The following SKIC3 variants were observed in gnomAD, a reference collection of about 807,000 sequenced individuals.
The protein encoded by SKIC3 is SKI3 subunit of superkiller complex.
the SKIC3 span, chr5:95,547,196 C>G: frequency 2.6e-6 from 4 of 1,558,786 alleles, no homozygotes; most frequent in Non-Finnish European, 3.5e-6. Flanking sequence ...AATACCTACC[C>G]AATCGTAAAT....
At chr5:95,551,071 T>C in the SKIC3 span, among the ~76,000 whole-genome samples, 1 of 152,112 alleles carries the variant, frequency 6.6e-6, no homozygotes, top group Non-Finnish European at 1.5e-5. Context: ...CCTAATTATA[T>C]TAGAATAGAA....
At chr5:95,494,724 T>C in the SKIC3 span, 19 of 1,613,764 alleles carry the variant, frequency 1.2e-5, 1 homozygote, top group South Asian at 1.9e-4. Flanking sequence ...TTTAGTGCAG[T>C]ATTTTTTTCA....
the SKIC3 span, among the ~76,000 whole-genome samples, chr5:95,532,474 A>G: frequency 6.6e-6 from 1 of 152,138 alleles, no homozygotes; most frequent in Non-Finnish European, 1.5e-5. Context: ...CAACAGTAAT[A>G]ACAACACTAA....
chr5:95,484,707 C>T, the SKIC3 span: 1 of 1,613,956 alleles, frequency 6.2e-7, no homozygotes, highest in Non-Finnish European at 8.5e-7. Context: ...AGTTTCAATG[C>T]ACATTCCATA....
the SKIC3 span, among the ~76,000 whole-genome samples, chr5:95,545,818 T>C: frequency 6.6e-6 from 1 of 152,138 alleles, no homozygotes; most frequent in Non-Finnish European, 1.5e-5. Flanking sequence ...TATCCTTCTT[T>C]TCCACCTCAG....
At chr5:95,506,204 T>C in the SKIC3 span, among the ~76,000 whole-genome samples, 69 of 152,292 alleles carry the variant, frequency 4.5e-4, 2 homozygotes, top group Non-Finnish European at 5.9e-5. Context: ...ATCTTCCAAT[T>C]TTGGATATAA....
the SKIC3 span, among the ~76,000 whole-genome samples, chr5:95,534,145 G>A: frequency 9.2e-5 from 14 of 151,692 alleles, no homozygotes; most frequent in Non-Finnish European, 1.5e-5. Flanking sequence ...ACTTATCTTT[G>A]GAACACACTG....
At chr5:95,507,054 CA>C in the SKIC3 span, 14 of 1,547,430 alleles carry the variant, frequency 9.0e-6, no homozygotes, top group Non-Finnish European at 1.2e-5. Flanking sequence ...TGTGCAATAG[CA>C]TTCTGTTACC....
chr5:95,495,677 A>C, the SKIC3 span, among the ~76,000 whole-genome samples: 1 of 152,200 alleles, frequency 6.6e-6, no homozygotes, highest in Non-Finnish European at 1.5e-5. Context: ...AAAAATAACT[A>C]AAAATATGAA....
the SKIC3 span, among the ~76,000 whole-genome samples, chr5:95,535,604 C>G: frequency 3.3e-5 from 5 of 151,718 alleles, no homozygotes; most frequent in African/African-American, 9.7e-5. Flanking sequence ...GCCACCGCGC[C>G]CGGCCAGTAA....
chr5:95,464,465 C>T, the SKIC3 span: 1 of 637,250 alleles, frequency 1.6e-6, no homozygotes, highest in Non-Finnish European at 2.6e-6. Context: ...GCATTCCTAA[C>T]TTAAAAACTT....
the SKIC3 span, among the ~76,000 whole-genome samples, chr5:95,476,089 C>T: frequency 6.6e-6 from 1 of 152,234 alleles, no homozygotes; most frequent in African/African-American, 2.4e-5. Context: ...TATGCCAAAA[C>T]TTTTCTGGAC....
At chr5:95,506,815 A>C in the SKIC3 span, 1 of 1,032,478 alleles carries the variant, frequency 9.7e-7, no homozygotes, top group Admixed American at 2.0e-5. Context: ...TTTCTATGGA[A>C]ATTATGTATC....
the SKIC3 span, among the ~76,000 whole-genome samples, chr5:95,506,095 T>G: frequency 6.6e-6 from 1 of 152,214 alleles, no homozygotes; most frequent in African/African-American, 2.4e-5. Flanking sequence ...TTCAACAAAA[T>G]CTTGGAACTG....
the SKIC3 span, among the ~76,000 whole-genome samples, chr5:95,470,644 C>A: frequency 2.6e-5 from 4 of 151,842 alleles, no homozygotes; most frequent in Admixed American, 6.6e-5. Context: ...TTAATAAACT[C>A]CCAATATAAA....
chr5:95,469,562 T>C, the SKIC3 span, among the ~76,000 whole-genome samples: 1 of 152,200 alleles, frequency 6.6e-6, no homozygotes, highest in African/African-American at 2.4e-5. Context: ...TAAATATGTA[T>C]CAAATTGCCT....
At chr5:95,482,925 T>C in the SKIC3 span, among the ~76,000 whole-genome samples, 1 of 152,284 alleles carries the variant, frequency 6.6e-6, no homozygotes, top group East Asian at 1.9e-4. Context: ...GTTCTAAATG[T>C]AAGTAAATAG....
chr5:95,481,246 A>C, the SKIC3 span, among the ~76,000 whole-genome samples: 1 of 152,078 alleles, frequency 6.6e-6, no homozygotes, highest in Non-Finnish European at 1.5e-5. Context: ...GATCTGGTAG[A>C]AGGTAACTGA....
At chr5:95,490,109 A>G in the SKIC3 span, among the ~76,000 whole-genome samples, 1 of 152,150 alleles carries the variant, frequency 6.6e-6, no homozygotes. Flanking sequence ...TTCAGTGAAG[A>G]AATTTATAGA....
Sources: gnomAD v4.1 joint callset for allele counts (sites outside exome capture counted in the v4.1 genomes callset) on GRCh38, gnomAD v4.1.1 for gene constraint, MANE v1.5 for transcripts, NCBI Gene and HGNC (gene_info 2026-07-23, HGNC 2026-07-21) for gene names.